Variants in AFF4 observed in about 807,000 individuals in gnomAD.
The protein encoded by AFF4 is ALF transcription elongation factor 4, also known as AF4/FMR2 family member 4.
In AFF4, 13 loss-of-function variants were observed where a neutral mutation model predicts 124.8. The observed-to-expected ratio is 0.10, with a 90% CI of 0.07 to 0.17. AFF4 has a LOEUF of 0.17. Among genes scored for constraint, AFF4 ranks in the 10% least tolerant of loss-of-function variants. The pLI is 1.00. For synonymous variants in AFF4, 477 were observed against 496.1 expected (o/e 0.96, Z 0.51); for missense variants, 1,092 against 1,403.8 (o/e 0.78, Z 3.55).
At chr5:132,933,452 T>TA (rs1367561810) in intron 3 of AFF4, among the ~76,000 whole-genome samples, 2 of 150,774 alleles carry the variant, frequency 1.3e-5, no homozygotes, top group Non-Finnish European at 3.0e-5. Context: ...GTCATGTCTG[T>TA]AACCTTAGCA....
intron 5 of AFF4, 68 bp from the exon 6 acceptor site, chr5:132,904,472 A>C (rs1760625507): frequency 2.3e-6 from 3 of 1,332,688 alleles, no homozygotes; most frequent in Non-Finnish European, 3.2e-6. Context: ...AAAATGCTTA[A>C]ATTACATAAA....
chr5:132,932,134 T>C, intron 4 of AFF4, 44 bp downstream of exon 4: 1 of 1,473,174 alleles, frequency 6.8e-7, no homozygotes. Flanking sequence ...TGGCAGAGCA[T>C]AAAAAATTAA....
chr5:132,927,100 A>T, intron 5 of AFF4, 21 bp downstream of exon 5: 1 of 1,598,082 alleles, frequency 6.3e-7, no homozygotes, highest in Non-Finnish European at 8.6e-7. Flanking sequence ...ACATTATGAA[A>T]GATACATTTT....
At chr5:132,911,603 G>T (rs1206674326) in intron 5 of AFF4, among the ~76,000 whole-genome samples, 1 of 151,590 alleles carries the variant, frequency 6.6e-6, no homozygotes, top group Non-Finnish European at 1.5e-5. Context: ...TGAACTCTGG[G>T]ACAACTTTAA....
intron 1 of AFF4, among the ~76,000 whole-genome samples, chr5:132,952,530 C>A (rs527474891): frequency 1.4e-4 from 21 of 152,298 alleles, no homozygotes; most frequent in Admixed American, 3.3e-4. Context: ...AAGTGGTGCT[C>A]CACCGTGCTC....
intron 13 of AFF4, among the ~76,000 whole-genome samples, chr5:132,889,913 G>A (rs999264877): frequency 6.6e-6 from 1 of 151,998 alleles, no homozygotes; most frequent in South Asian, 2.1e-4. Flanking sequence ...GGGACCATGG[G>A]CATGTACTAC....
chr5:132,949,208 CCTT>C (rs1761771625), intron 1 of AFF4, among the ~76,000 whole-genome samples: 1 of 136,250 alleles, frequency 7.3e-6, no homozygotes, highest in South Asian at 2.2e-4. Context: ...CTTATTTCTG[CCTT>C]TTTTTTTTTT....
chr5:132,949,428 G>A (rs916186407), intron 1 of AFF4, among the ~76,000 whole-genome samples: 5 of 152,038 alleles, frequency 3.3e-5, no homozygotes, highest in Non-Finnish European at 5.9e-5. Flanking sequence ...TGCAATCCCC[G>A]CACTTTGGGA....
intron 5 of AFF4, among the ~76,000 whole-genome samples, chr5:132,919,054 A>C (rs1760981136): frequency 6.6e-6 from 1 of 151,826 alleles, no homozygotes; most frequent in Admixed American, 6.6e-5. Context: ...TGCCCAACTA[A>C]TTTTTGTGTT....
At position 132,879,083 on chromosome 5, in the gene AFF4, A is replaced by G. The variant is rs1320539814; in HGVS notation, c.*1976T>C. ...AACACACTAAGATTAAGTTAGAAAG[A>G]TATCAGAGGCAATTTCTCCAAGAGA... is the stretch of plus-strand genomic sequence containing the variant. On this transcript the variant is annotated 3_prime_UTR_variant, in exon 21 of 21. Coordinates refer to ENST00000265343, the MANE Select transcript of AFF4 (RefSeq NM_014423.4). The G allele has an allele frequency of 9.0e-6, 2 of 221,508 alleles. No individual in the cohort carries two copies. The allele number at this position is 221,508 out of a possible 1,614,324, so 13.7% of individuals were successfully genotyped here. A position where few individuals can be genotyped will look rare whatever the true frequency, so the allele number is the denominator to read the frequency against.
At chr5:132,903,736 C>T (rs1760607312) in intron 6 of AFF4, 1 of 152,182 alleles carries the variant, frequency 6.6e-6, no homozygotes, top group Non-Finnish European at 1.5e-5. Flanking sequence ...AATGACCCTT[C>T]TTGTGCGGAG....
At chr5:132,960,539 C>A (rs748243944) in intron 1 of AFF4, among the ~76,000 whole-genome samples, 1 of 152,126 alleles carries the variant, frequency 6.6e-6, no homozygotes, top group South Asian at 2.1e-4. Context: ...CATAAAACTA[C>A]GGCATTTACC....
chr5:132,885,249 C>CGTGTGTGT (rs3835017), intron 18 of AFF4, 130 bp from the exon 19 acceptor site: 7 of 360,704 alleles, frequency 1.9e-5, no homozygotes, highest in Admixed American at 1.4e-4. Flanking sequence ...CACCAAAATA[C>CGTGTGTGT]GTGTGTGTGT....
intron 5 of AFF4, among the ~76,000 whole-genome samples, chr5:132,909,709 A>G (rs987135029): frequency 6.6e-6 from 1 of 152,272 alleles, no homozygotes; most frequent in Non-Finnish European, 1.5e-5. Flanking sequence ...GCATGATTCT[A>G]TAACTGAGTT....
rs541789476 is a variant in AFF4 at position 132,950,741 on chromosome 5, T to C, written c.-5+12518A>G. On this transcript the variant is annotated intron_variant, in intron 1 of 20. Transcript: ENST00000265343. ...TTCAAACTATCAGCGTCTACATCTATTCTCTTCCCTCCCAGTGACAAAGGA... is the reference window on the plus strand; with the variant it reads ...TTCAAACTATCAGCGTCTACATCTACTCTCTTCCCTCCCAGTGACAAAGGA... 4.6e-5 allele frequency among the ~76,000 whole-genome samples: 7 copies of C among 152,304 alleles called. No homozygotes were observed. In the South Asian group the frequency reaches 1.4e-3, roughly 32 times the overall value.
At position 132,905,117 on chromosome 5, in the gene AFF4, A is replaced by G. The variant is rs150028337; in HGVS notation, c.1051-713T>C. Among the ~76,000 whole-genome samples, 821 of 151,750 alleles carry G rather than the reference A, an allele frequency of 5.4e-3. 5 individuals carry two copies. The highest frequency in any genetic ancestry group is 0.028 in the Middle Eastern group (8 of 288). On this transcript the variant is annotated intron_variant, in intron 5 of 20. Transcript: ENST00000265343. ...AATCCCATATGGATATTTCCATGTC[A>G]TTTTACTCCCTCCTTCTCCCTGCTC...
At chr5:132,890,846 C>A (rs1480763164) in intron 13 of AFF4, among the ~76,000 whole-genome samples, 2 of 151,824 alleles carry the variant, frequency 1.3e-5, no homozygotes, top group Non-Finnish European at 2.9e-5. Flanking sequence ...GGATAAAACA[C>A]AAAATAAGAC....
chr5:132,894,505 CA>C (rs1760339438), intron 11 of AFF4, among the ~76,000 whole-genome samples: 1 of 152,182 alleles, frequency 6.6e-6, no homozygotes. Context: ...TCTACCATAA[CA>C]AAAGAATCTG....
At chr5:132,900,481 A>G (rs1581282381) in intron 7 of AFF4, among the ~76,000 whole-genome samples, 1 of 151,632 alleles carries the variant, frequency 6.6e-6, no homozygotes, top group Non-Finnish European at 1.5e-5. Flanking sequence ...AATTGCTTGA[A>G]CCCGGGAGCT....
Sources: gnomAD v4.1 joint callset for allele counts (sites outside exome capture counted in the v4.1 genomes callset) on GRCh38, gnomAD v4.1.1 for gene constraint, MANE v1.5 for transcripts, NCBI Gene and HGNC (gene_info 2026-07-23, HGNC 2026-07-21) for gene names.